RBFOX1: variants seen among roughly 807,000 people sequenced by gnomAD.
The protein encoded by RBFOX1 is RNA binding protein fox-1 homolog 1.
Under a neutral mutation model 57.7 loss-of-function variants are expected in RBFOX1, and 8 were observed. That is an observed-to-expected ratio of 0.14 (90% CI 0.08 to 0.25). The LOEUF (loss-of-function observed/expected upper bound fraction) is 0.25. Among genes scored for constraint, RBFOX1 ranks in the 10% least tolerant of loss-of-function variants. RBFOX1 has a pLI of 1.00. For synonymous variants in RBFOX1, 326 were observed against 222.4 expected (o/e 1.47, Z -4.15); for missense variants, 611 against 548.5 (o/e 1.11, Z -1.14).
chr16:6,676,857 G>C (rs2057804605), intron 3 of RBFOX1, among the ~76,000 whole-genome samples: 3 of 151,516 alleles, frequency 2.0e-5, no homozygotes, highest in African/African-American at 7.3e-5. Flanking sequence ...TGTATTTTTA[G>C]TAGAGACGGG....
intron 2 of RBFOX1, among the ~76,000 whole-genome samples, chr16:5,511,270 G>T (rs2043580709): frequency 6.6e-6 from 1 of 152,210 alleles, no homozygotes; most frequent in Admixed American, 6.5e-5. Flanking sequence ...CGTGACTTCA[G>T]AGATCTGGTT....
At chr16:5,970,309 A>C (rs566197122) in intron 4 of RBFOX1, among the ~76,000 whole-genome samples, 2 of 152,224 alleles carry the variant, frequency 1.3e-5, no homozygotes, top group East Asian at 3.9e-4. Flanking sequence ...TGGAAGAATT[A>C]GAGACTATAT....
At chr16:7,625,478 C>T (rs898047118) in intron 10 of RBFOX1, among the ~76,000 whole-genome samples, 1 of 152,106 alleles carries the variant, frequency 6.6e-6, no homozygotes, top group East Asian at 1.9e-4. Flanking sequence ...ATGACATATA[C>T]AGAAACTTCC....
intron 1 of RBFOX1, among the ~76,000 whole-genome samples, chr16:5,323,913 A>G (rs1009839531): frequency 2.0e-5 from 3 of 152,204 alleles, no homozygotes; most frequent in Non-Finnish European, 2.9e-5. Flanking sequence ...TTAATTAGGA[A>G]CTGAGTTTTG....
At chr16:5,607,181 C>G (rs7202260) in intron 3 of RBFOX1, among the ~76,000 whole-genome samples, 1,730 of 152,272 alleles carry the variant, frequency 0.011, 44 homozygotes, top group African/African-American at 0.039. Context: ...GCTAATGTGC[C>G]TTCTACAGCG....
intron 1 of RBFOX1, among the ~76,000 whole-genome samples, chr16:5,409,552 C>G (rs1280217870): frequency 2.0e-5 from 3 of 152,192 alleles, no homozygotes; most frequent in East Asian, 3.8e-4. Flanking sequence ...TTATTTTTCT[C>G]TTCATACTCA....
chr16:7,567,592 C>A (rs1198246452), intron 5 of RBFOX1, among the ~76,000 whole-genome samples: 2 of 63,490 alleles, frequency 3.2e-5, no homozygotes, highest in African/African-American at 5.3e-5. Context: ...TATATATGGC[C>A]CTATATATAT....
intron 10 of RBFOX1, among the ~76,000 whole-genome samples, chr16:7,611,326 C>G (rs912183422): frequency 1.3e-5 from 2 of 152,086 alleles, no homozygotes; most frequent in African/African-American, 4.8e-5. Context: ...TGGCTCACGC[C>G]TTTAATCCCA....
chr16:5,903,010 C>A (rs1328355696), intron 4 of RBFOX1, among the ~76,000 whole-genome samples: 2 of 152,140 alleles, frequency 1.3e-5, no homozygotes, highest in Admixed American at 1.3e-4. Context: ...AACGTGTGCA[C>A]CCCTTTCCAG....
At chr16:6,096,229 C>T (rs2096243813) in intron 1 of RBFOX1, among the ~76,000 whole-genome samples, 1 of 152,056 alleles carries the variant, frequency 6.6e-6, no homozygotes, top group African/African-American at 2.4e-5. Flanking sequence ...TGAATTATTC[C>T]ATAGTGGGAA....
rs543765599 is a variant in RBFOX1, at chr16:6,813,392, T to C, written c.-16+158742T>C. Among the ~76,000 whole-genome samples, 8 of 152,234 alleles carry C rather than the reference T, an allele frequency of 5.3e-5. No individual in the cohort carries two copies. The South Asian group carries it at 8.3e-4, about 16-fold the overall frequency. ...GTTGCAATTCCCATCTTGAGAATGC[T>C]CGTATGGGTTCCCAGGTGTCACCTC... On this transcript the variant is annotated intron_variant, in intron 3 of 15. Transcript: ENST00000550418.
At chr16:5,368,074 T>C (rs1355626061) in intron 1 of RBFOX1, among the ~76,000 whole-genome samples, 1 of 152,208 alleles carries the variant, frequency 6.6e-6, no homozygotes, top group African/African-American at 2.4e-5. Context: ...CTCTAACCAG[T>C]CACAAATCAG....
intron 3 of RBFOX1, among the ~76,000 whole-genome samples, chr16:5,775,200 G>A (rs1269621213): frequency 6.6e-6 from 1 of 152,096 alleles, no homozygotes; most frequent in South Asian, 2.1e-4. Flanking sequence ...ATACCCTAAC[G>A]GGGGACATAG....
At chr16:6,932,485 A>C (rs1292516875) in intron 3 of RBFOX1, among the ~76,000 whole-genome samples, 1 of 152,038 alleles carries the variant, frequency 6.6e-6, no homozygotes, top group Admixed American at 6.6e-5. Flanking sequence ...AAACATTAAA[A>C]CCATAGCCCT....
chr16:7,480,468 A>G (rs2063668555), intron 4 of RBFOX1, among the ~76,000 whole-genome samples: 1 of 152,216 alleles, frequency 6.6e-6, no homozygotes, highest in South Asian at 2.1e-4. Context: ...AGAACAGTAA[A>G]TGTGTAATAG....
At chr16:5,630,446 G>C (rs2048471167) in intron 3 of RBFOX1, among the ~76,000 whole-genome samples, 1 of 151,892 alleles carries the variant, frequency 6.6e-6, no homozygotes, top group Non-Finnish European at 1.5e-5. Context: ...GACAGAGTAA[G>C]ACTCTGTCTC....
intron 10 of RBFOX1, among the ~76,000 whole-genome samples, chr16:7,615,931 T>C (rs951064878): frequency 6.6e-6 from 1 of 152,228 alleles, no homozygotes; most frequent in Admixed American, 6.5e-5. Flanking sequence ...TTAACAACTC[T>C]CATGCCCCAC....
intron 4 of RBFOX1, among the ~76,000 whole-genome samples, chr16:7,488,039 C>A (rs145645149): frequency 6.6e-6 from 1 of 151,978 alleles, no homozygotes; most frequent in Non-Finnish European, 1.5e-5. Flanking sequence ...GGCACCTCGG[C>A]GGAAGTAATC....
At chr16:6,227,089 A>T (rs554445609) in intron 1 of RBFOX1, among the ~76,000 whole-genome samples, 1 of 151,692 alleles carries the variant, frequency 6.6e-6, no homozygotes, top group Non-Finnish European at 1.5e-5. Flanking sequence ...GTGCCACTGA[A>T]CTCCAGCGTA....
Sources: allele counts gnomAD v4.1 joint callset (sites outside exome capture counted in the v4.1 genomes callset), GRCh38; gene constraint gnomAD v4.1.1; transcripts MANE v1.5; gene names NCBI Gene and HGNC (gene_info 2026-07-23, HGNC 2026-07-21).